Variants in GYS2 observed in about 807,000 individuals in gnomAD.
The protein encoded by GYS2 is glycogen [starch] synthase, liver.
In GYS2, 80 loss-of-function variants were observed where a neutral mutation model predicts 85.6. The ratio of observed to expected loss-of-function variants is 0.93; its 90% CI spans 0.78 to 1.13. The LOEUF is 1.13. Ranked by LOEUF, GYS2 falls within the 50% of genes most tolerant of loss-of-function variation. GYS2 has a pLI of 0.00. For synonymous variants in GYS2, 328 were observed against 300.7 expected, an observed-to-expected ratio of 1.09 and a Z score of -0.94; for missense variants, 881 against 854.9, an observed-to-expected ratio of 1.03 and a Z score of -0.38.
At chr12:21,568,162 G>A (rs1037952832) in intron 5 of GYS2, among the ~76,000 whole-genome samples, 2 of 152,124 alleles carry the variant, frequency 1.3e-5, no homozygotes, top group Admixed American at 1.3e-4. Flanking sequence ...ACAATTCAGT[G>A]TAGTTTAATC....
Position 21,568,953 on chromosome 12 carries a change from C to T in GYS2, c.735G>A (p.Glu245=). The T allele has an allele frequency of 6.2e-7, 1 of 1,613,522 alleles. No individual in the cohort carries two copies. The highest frequency in any genetic ancestry group is 8.5e-7 in the Non-Finnish European group (1 of 1,179,424). Residue 245 remains glutamate, a synonymous_variant, in exon 5 of 16, where the codon GAG becomes GAA. Transcript: ENST00000261195. ...CGTGAGCGCAATGAACGGAAGCTCG[C>T]TCCATGCAGTACCGGTGGTAAATCT... ...ERQIYHRYCM[E]RASVHCAHVF...
chr12:21,540,566 G>A lies in GYS2; in HGVS notation c.1653C>T (p.Tyr551=), dbSNP rs991582901. 1 of 1,613,594 alleles carries A rather than the reference G, an allele frequency of 6.2e-7. No homozygotes were observed. Among genetic ancestry groups the A allele is most frequent in the South Asian group, 1.1e-5 (1 of 91,068 alleles). The stretch of plus-strand genomic sequence containing the variant: ...GAGAACGGAACCGCCTGTCAACGAT[G>A]TAAATACCTGAAGAACACAAAAGCC... ...HVADPTAYGI[Y]IVDRRFRSPD... is the part of the protein sequence containing the mutation. The change falls in exon 14 of 16, where the codon TAC becomes TAT. Residue 551 remains tyrosine (Y), a synonymous_variant. Coordinates refer to ENST00000261195, the MANE Select transcript of GYS2 (RefSeq NM_021957.4).
rs1252574428 is a variant in GYS2 at position 21,574,217 on chromosome 12, A to G, written c.605T>C (p.Phe202Ser). The change falls in exon 4 of 16, where the codon TTT (phenylalanine) becomes TCT (serine). Residue 202 changes from phenylalanine to serine, a missense_variant. Transcript: ENST00000261195. The stretch of plus-strand genomic sequence containing the variant: ...CCCAAGTAGTGTAGCGTGGGTTGTA[A>G]ATATTGTGGCAATAGGAAGTTTCCT... The part of the protein sequence containing the change: ...RARKLPIATI[F>S]TTHATLLGRY... The G allele has an allele frequency of 3.7e-6, 6 of 1,613,554 alleles. No homozygotes were observed. The highest frequency in any genetic ancestry group is 5.1e-6 in the Non-Finnish European group (6 of 1,179,466).
At chr12:21,574,546 G>A (rs1479359445) in intron 3 of GYS2, among the ~76,000 whole-genome samples, 1 of 151,988 alleles carries the variant, frequency 6.6e-6, no homozygotes, top group Admixed American at 6.6e-5. Context: ...TTCAGTGATG[G>A]AGCAGATTTT....
chr12:21,574,626 A>T (rs1451976402), intron 3 of GYS2, among the ~76,000 whole-genome samples: 1 of 152,148 alleles, frequency 6.6e-6, no homozygotes, highest in Non-Finnish European at 1.5e-5. Context: ...AATGGAATAA[A>T]TGCAAAGTAG....
At chr12:21,580,203 C>T (rs1944493087) in intron 2 of GYS2, 139 bp downstream of exon 2, 2 of 799,848 alleles carry the variant, frequency 2.5e-6, no homozygotes, top group South Asian at 2.8e-5. Flanking sequence ...CATTTAAAAG[C>T]AAGTTCATCA....
intron 1 of GYS2, among the ~76,000 whole-genome samples, chr12:21,600,265 G>A (rs1439430131): frequency 6.6e-6 from 1 of 152,090 alleles, no homozygotes; most frequent in East Asian, 1.9e-4. Context: ...TAGGACTACA[G>A]GTGTGAGCCT....
chr12:21,599,966 A>G (rs547328564), intron 1 of GYS2, among the ~76,000 whole-genome samples: 1 of 152,166 alleles, frequency 6.6e-6, no homozygotes, highest in Non-Finnish European at 1.5e-5. Flanking sequence ...GATTTTATAT[A>G]TGGAGAAACT....
chr12:21,549,319 A>G (rs1944079200), intron 11 of GYS2, among the ~76,000 whole-genome samples: 1 of 152,240 alleles, frequency 6.6e-6, no homozygotes, highest in Non-Finnish European at 1.5e-5. Flanking sequence ...ACATTTACAG[A>G]AAGTTCCAAG....
intron 1 of GYS2, among the ~76,000 whole-genome samples, chr12:21,582,030 C>T (rs577835796): frequency 5.9e-5 from 9 of 151,914 alleles, no homozygotes; most frequent in East Asian, 1.9e-4. Flanking sequence ...GCTTCTGCAC[C>T]GCAAAAGACC....
intron 4 of GYS2, among the ~76,000 whole-genome samples, chr12:21,570,537 C>T (rs891307847): frequency 2.0e-5 from 3 of 152,232 alleles, no homozygotes; most frequent in African/African-American, 7.2e-5. Flanking sequence ...ATCTTTCTAT[C>T]TCCAAATTGG....
At chr12:21,581,115 C>T (rs928648332) in intron 1 of GYS2, among the ~76,000 whole-genome samples, 3 of 152,216 alleles carry the variant, frequency 2.0e-5, no homozygotes, top group Non-Finnish European at 4.4e-5. Flanking sequence ...CTTGGTCCAA[C>T]CCCGATGTCA....
At chr12:21,546,086 T>C (rs1298411230) in intron 12 of GYS2, among the ~76,000 whole-genome samples, 1 of 152,160 alleles carries the variant, frequency 6.6e-6, no homozygotes, top group Non-Finnish European at 1.5e-5. Flanking sequence ...TCTTTGGAAT[T>C]CAATGAGGCA....
At position 21,539,292 on chromosome 12, in the gene GYS2, T is replaced by C. The variant is rs1943945129; in HGVS notation, c.1856A>G (p.Asp619Gly). Reference protein sequence around the residue: ...RHLTLSRAFPDKFHVELTSPP... With the variant: ...RHLTLSRAFPGKFHVELTSPP... Reference sequence around the variant, plus strand: ...TGATGTTAGTTCCACATGGAATTTATCTGGAAAAGCTCTGCTTAATGTCAG... The same window carrying C: ...TGATGTTAGTTCCACATGGAATTTACCTGGAAAAGCTCTGCTTAATGTCAG... Residue 619 changes from aspartate (D) to glycine (G), a missense_variant, in exon 15 of 16, where the codon GAT (aspartate) becomes GGT (glycine). By Grantham distance (94) the Asp-to-Gly change is moderately conservative. Transcript: ENST00000261195. The C allele has an allele frequency of 6.2e-7, 1 of 1,605,904 alleles. No homozygotes were observed. The highest frequency in any genetic ancestry group is 8.5e-7 in the Non-Finnish European group (1 of 1,172,628).
intron 4 of GYS2, among the ~76,000 whole-genome samples, chr12:21,572,033 G>C (rs1333428463): frequency 6.6e-6 from 1 of 151,800 alleles, no homozygotes; most frequent in Non-Finnish European, 1.5e-5. Flanking sequence ...AAAACTAAAG[G>C]CTTTAGAGGA....
chr12:21,534,614 A>C (rs1943894032), downstream of GYS2, among the ~76,000 whole-genome samples: 1 of 152,094 alleles, frequency 6.6e-6, no homozygotes, highest in Non-Finnish European at 1.5e-5. Context: ...AGAGAAGGTA[A>C]GAAAGAAAAA....
At chr12:21,554,462 C>T (rs542094400) in intron 11 of GYS2, among the ~76,000 whole-genome samples, 2 of 152,276 alleles carry the variant, frequency 1.3e-5, no homozygotes, top group South Asian at 2.1e-4. Flanking sequence ...CTAATCTCAC[C>T]TTGGTGTCTG....
Position 21,536,614 on chromosome 12 carries a change from A to C in GYS2, c.*340T>G. 1 of 302,636 alleles carries C rather than the reference A, an allele frequency of 3.3e-6. No individual in the cohort carries two copies. The highest frequency in any genetic ancestry group is 3.7e-5 in the South Asian group (1 of 27,298). The allele number at this position is 302,636 out of a possible 1,614,324, so 18.7% of individuals were successfully genotyped here. ...GGGGTAGAGAAGCTGCATAAATAGT[A>C]AGCAAAGGATTATGATGATCATTTA... On this transcript the variant is annotated 3_prime_UTR_variant, in exon 16 of 16. Coordinates refer to ENST00000261195, the MANE Select transcript of GYS2 (RefSeq NM_021957.4).
intron 8 of GYS2, 74 bp downstream of exon 8, chr12:21,560,312 C>A (rs915292517): frequency 1.2e-6 from 1 of 838,104 alleles, no homozygotes; most frequent in African/African-American, 1.7e-5. Context: ...CAAGGCGATA[C>A]ATGAGATGTC....
Sources: allele counts gnomAD v4.1 joint callset (sites outside exome capture counted in the v4.1 genomes callset), GRCh38; gene constraint gnomAD v4.1.1; transcripts MANE v1.5; gene names NCBI Gene and HGNC (gene_info 2026-07-23, HGNC 2026-07-21).